Variants in EXOC1L observed in about 807,000 individuals in gnomAD.
The protein encoded by EXOC1L is exocyst complex component 1 like, also known as exocyst complex component 1-like.
Under a neutral mutation model 4.9 loss-of-function variants are expected in EXOC1L, and 10 were observed. The observed-to-expected ratio is 2.02, with a 90% CI of 1.25 to 3.43. The LOEUF (loss-of-function observed/expected upper bound fraction) is 3.43, where lower values mean the gene tolerates loss of function less well. Ranked by LOEUF, EXOC1L falls within the 30% of genes most tolerant of loss-of-function variation. EXOC1L has a pLI of 0.00. For missense variants in EXOC1L, 114 were observed against 59.4 expected (o/e 1.92, Z -3.02); for synonymous variants, 41 against 20.8 (o/e 1.97, Z -2.63).
intron 1 of EXOC1L, among the ~76,000 whole-genome samples, chr4:55,830,860 G>A (rs937988048): frequency 6.6e-6 from 1 of 152,144 alleles, no homozygotes; most frequent in Non-Finnish European, 1.5e-5. Flanking sequence ...CAGTTACTGC[G>A]GTATTTGCTT....
At position 55,822,604 on chromosome 4, in the gene EXOC1L, A is replaced by G. The variant is rs537890289; in HGVS notation, c.121+2457A>G. ...ATATTAAAGCATTAGCCAAAACTGG[A>G]TGGAAAGTAACAGGGCATAGTGGAA... On this transcript the variant is annotated intron_variant, in intron 1 of 2. Coordinates refer to ENST00000636125, the MANE Select transcript of EXOC1L (RefSeq NM_001351574.3). Among the ~76,000 whole-genome samples, 50 of 152,322 alleles carry G rather than the reference A, an allele frequency of 3.3e-4. 1 individual carries two copies. The South Asian group carries it at 9.1e-3, about 28-fold the overall frequency.
chr4:55,828,850 AAAACAAACAAAC>A (rs372951187), intron 1 of EXOC1L, among the ~76,000 whole-genome samples: 3 of 152,070 alleles, frequency 2.0e-5, no homozygotes, highest in South Asian at 4.2e-4. Flanking sequence ...TTCAAAATGA[AAAACAAACAAAC>A]AAACAAACAA....
intron 1 of EXOC1L, among the ~76,000 whole-genome samples, chr4:55,823,185 G>T (rs1476355479): frequency 4.0e-5 from 6 of 151,744 alleles, no homozygotes; most frequent in African/African-American, 1.5e-4. Context: ...TATACATATT[G>T]TTTTTTTAAG....
intron 1 of EXOC1L, among the ~76,000 whole-genome samples, chr4:55,820,444 G>A (rs1719711001): frequency 6.6e-6 from 1 of 152,134 alleles, no homozygotes. Context: ...TAATTCATTT[G>A]CATGGCATGC....
intron 1 of EXOC1L, among the ~76,000 whole-genome samples, chr4:55,827,176 T>C (rs955176660): frequency 2.0e-5 from 3 of 152,218 alleles, no homozygotes; most frequent in African/African-American, 7.2e-5. Flanking sequence ...TAGTCTTGCC[T>C]AACTTGTTCC....
intron 1 of EXOC1L, among the ~76,000 whole-genome samples, 172 bp from the exon 2 acceptor site, chr4:55,831,162 G>C (rs1720019648): frequency 6.6e-6 from 1 of 152,046 alleles, no homozygotes; most frequent in Non-Finnish European, 1.5e-5. Flanking sequence ...AGCAAATTTG[G>C]GGGCATACTG....
intron 1 of EXOC1L, among the ~76,000 whole-genome samples, chr4:55,820,591 A>C (rs1719715772): frequency 6.6e-6 from 1 of 152,214 alleles, no homozygotes; most frequent in African/African-American, 2.4e-5. Flanking sequence ...TTTTCATCCT[A>C]GGAAAAAAAC....
chr4:55,821,070 T>A (rs936425624), intron 1 of EXOC1L, among the ~76,000 whole-genome samples: 3 of 152,218 alleles, frequency 2.0e-5, no homozygotes, highest in Non-Finnish European at 2.9e-5. Flanking sequence ...CAACTTCTTA[T>A]AATTCCCTTT....
intron 1 of EXOC1L, among the ~76,000 whole-genome samples, chr4:55,829,837 C>G (rs929051543): frequency 2.0e-5 from 3 of 152,224 alleles, no homozygotes. Context: ...AATTCAGACA[C>G]AGGTCCAAAG....
intron 1 of EXOC1L, among the ~76,000 whole-genome samples, chr4:55,824,555 G>A (rs145787944): frequency 0.015 from 2,297 of 151,914 alleles, 39 homozygotes; most frequent in African/African-American, 0.047. Flanking sequence ...GTAGAGATGG[G>A]GTCTCGCTAT....
chr4:55,824,273 T>TCACACA (rs747727307), intron 1 of EXOC1L, among the ~76,000 whole-genome samples: 3,589 of 147,228 alleles, frequency 0.024, 72 homozygotes, highest in South Asian at 0.048. Flanking sequence ...TCTCTCTCTC[T>TCACACA]CACACACACA....
chr4:55,825,677 G>A lies in EXOC1L; in HGVS notation c.121+5530G>A, dbSNP rs535714529. ...TATCTCCCGTTCTGTAAAAACATCA[G>A]CAACTCATGTCCTTACTTGCTTATA... On this transcript the variant is annotated intron_variant, in intron 1 of 2. Transcript: ENST00000636125. 1.7e-4 allele frequency among the ~76,000 whole-genome samples: 26 copies of A among 152,092 alleles called. No homozygotes were observed. In the South Asian group the frequency reaches 5.4e-3, roughly 32 times the overall value.
chr4:55,821,933 G>T (rs931568486), intron 1 of EXOC1L, among the ~76,000 whole-genome samples: 1 of 152,220 alleles, frequency 6.6e-6, no homozygotes, highest in Non-Finnish European at 1.5e-5. Flanking sequence ...AAGTCAGCGT[G>T]TTGCTTGAAT....
chr4:55,822,035 T>A (rs1180555158), intron 1 of EXOC1L, among the ~76,000 whole-genome samples: 1 of 152,236 alleles, frequency 6.6e-6, no homozygotes, highest in Non-Finnish European at 1.5e-5. Flanking sequence ...TGAAACTCCA[T>A]ACTTTGAACG....
In EXOC1L at chr4:55,831,351, G is replaced by A. The variant is rs565480127; in HGVS notation, c.139G>A (p.Val47Ile). ...LCVSVTKKEE[V>I]KIVMVKHYRI... is the part of the protein sequence containing the mutation. Reference sequence around the variant, plus strand: ...TCCTACAGTGACCAAAAAGGAAGAAGTAAAAATAGTCATGGTGAAACACTA... The same window carrying A: ...TCCTACAGTGACCAAAAAGGAAGAAATAAAAATAGTCATGGTGAAACACTA... The change falls in exon 2 of 3, where the codon GTA becomes ATA. Residue 47 changes from valine (V) to isoleucine (I), a missense_variant. Coordinates refer to ENST00000636125, the MANE Select transcript of EXOC1L (RefSeq NM_001351574.3). 22 of 657,768 alleles carry A rather than the reference G, an allele frequency of 3.3e-5. No homozygotes were observed. The highest frequency in any genetic ancestry group is 3.1e-4 in the African/African-American group (17 of 54,568). 40.7% of individuals were successfully genotyped at this position (657,768 alleles called of 1,614,324 possible). A position where few individuals can be genotyped will look rare whatever the true frequency, so the allele number is the denominator to read the frequency against.
chr4:55,826,456 G>A (rs898211376), intron 1 of EXOC1L, among the ~76,000 whole-genome samples: 25 of 152,220 alleles, frequency 1.6e-4, no homozygotes, highest in African/African-American at 5.5e-4. Flanking sequence ...TAATGACAAA[G>A]TTTATTTTAA....
intron 1 of EXOC1L, among the ~76,000 whole-genome samples, chr4:55,829,906 C>T (rs1220535430): frequency 2.0e-5 from 3 of 152,156 alleles, no homozygotes; most frequent in Admixed American, 6.5e-5. Context: ...ACCTTCTGTA[C>T]CTAGTGAATC....
intron 1 of EXOC1L, among the ~76,000 whole-genome samples, chr4:55,827,210 C>G (rs919583091): frequency 6.6e-6 from 1 of 152,184 alleles, no homozygotes; most frequent in Admixed American, 6.5e-5. Flanking sequence ...ACCCTCACAC[C>G]TCATGCCAGC....
intron 1 of EXOC1L, among the ~76,000 whole-genome samples, chr4:55,827,495 C>G (rs1216458037): frequency 3.9e-5 from 6 of 152,126 alleles, no homozygotes; most frequent in Non-Finnish European, 7.3e-5. Context: ...TCAGTGACAG[C>G]AGGAATGATG....
Sources: allele counts gnomAD v4.1 joint callset (sites outside exome capture counted in the v4.1 genomes callset), GRCh38; gene constraint gnomAD v4.1.1; transcripts MANE v1.5; gene names NCBI Gene and HGNC (gene_info 2026-07-23, HGNC 2026-07-21).